RORA: variants seen among roughly 807,000 people sequenced by gnomAD.
RORA encodes nuclear receptor ROR-alpha.
RORA carries 7 observed loss-of-function variants against 69.5 expected under a neutral mutation model. The ratio of observed to expected loss-of-function variants is 0.10; its 90% confidence interval spans 0.06 to 0.19. The LOEUF (loss-of-function observed/expected upper bound fraction) is 0.19. RORA is among the 10% of genes least tolerant of loss of function. RORA has a pLI of 1.00. For synonymous variants in RORA, 261 were observed against 240.8 expected (o/e 1.08, Z -0.78); for missense variants, 457 against 663.0 (o/e 0.69, Z 3.41).
intron 2 of RORA, among the ~76,000 whole-genome samples, chr15:60,625,920 A>G (rs2069564609): frequency 6.6e-6 from 1 of 152,240 alleles, no homozygotes; most frequent in Admixed American, 6.5e-5. Context: ...CTAATGGTGT[A>G]TGAAACCACT....
chr15:60,724,600 G>C (rs1171398171), intron 1 of RORA, among the ~76,000 whole-genome samples: 1 of 152,188 alleles, frequency 6.6e-6, no homozygotes, highest in Non-Finnish European at 1.5e-5. Context: ...GTCCTACCTA[G>C]TCTTAGGGAA....
chr15:60,672,816 T>G (rs918967748), intron 2 of RORA, among the ~76,000 whole-genome samples: 1 of 152,258 alleles, frequency 6.6e-6, no homozygotes, highest in Non-Finnish European at 1.5e-5. Flanking sequence ...TAGGTGGTGT[T>G]CCTGCTATTG....
intron 2 of RORA, among the ~76,000 whole-genome samples, chr15:60,639,406 G>A (rs115925942): frequency 1.4e-3 from 211 of 152,138 alleles, no homozygotes; most frequent in South Asian, 5.8e-3. Context: ...GTGTCTCCCC[G>A]TTTCGTGGGG....
chr15:60,839,060 A>G (rs1567209469), intron 1 of RORA, among the ~76,000 whole-genome samples: 1 of 150,786 alleles, frequency 6.6e-6, no homozygotes, highest in East Asian at 1.9e-4. Context: ...ACCTGGCTAA[A>G]TTTTTTTTTG....
intron 1 of RORA, among the ~76,000 whole-genome samples, chr15:60,724,998 C>T (rs2071338966): frequency 1.3e-5 from 2 of 152,200 alleles, no homozygotes; most frequent in African/African-American, 2.4e-5. Flanking sequence ...TAAAATTAAA[C>T]AACTATTAAT....
intron 2 of RORA, chr15:60,592,405 CA>C: frequency 6.9e-7 from 1 of 1,439,942 alleles, no homozygotes; most frequent in African/African-American, 1.5e-5. Flanking sequence ...GCTGCGATCA[CA>C]AAATACATCA....
chr15:61,182,907 T>A (rs1367279028), intron 1 of RORA: 1 of 152,320 alleles, frequency 6.6e-6, no homozygotes, highest in Non-Finnish European at 1.5e-5. Flanking sequence ...GGGGGCCTTC[T>A]ATAACGTTCC....
At chr15:60,694,778 G>A (rs2070878350) in intron 1 of RORA, among the ~76,000 whole-genome samples, 1 of 152,108 alleles carries the variant, frequency 6.6e-6, no homozygotes, top group African/African-American at 2.4e-5. Context: ...TTACAAATTG[G>A]TAAATCAACC....
chr15:60,830,459 A>G (rs191011042), intron 1 of RORA, among the ~76,000 whole-genome samples: 2 of 152,342 alleles, frequency 1.3e-5, no homozygotes, highest in East Asian at 3.9e-4. Context: ...TATTCTTTGA[A>G]AATGTTACAC....
At chr15:60,953,953 G>A (rs1329131807) in intron 1 of RORA, among the ~76,000 whole-genome samples, 2 of 150,892 alleles carry the variant, frequency 1.3e-5, no homozygotes, top group African/African-American at 2.4e-5. Flanking sequence ...TATATACCCA[G>A]AGGACTATAA....
intron 1 of RORA, among the ~76,000 whole-genome samples, chr15:60,799,856 T>C (rs949683572): frequency 3.3e-5 from 5 of 152,218 alleles, no homozygotes; most frequent in African/African-American, 1.2e-4. Flanking sequence ...GATATGTAGA[T>C]AGGAATGGAT....
chr15:60,654,149 A>G (rs753955312), intron 2 of RORA, among the ~76,000 whole-genome samples: 11 of 152,212 alleles, frequency 7.2e-5, no homozygotes, highest in Non-Finnish European at 1.3e-4. Context: ...GGCTAAGGAC[A>G]GAGAAGTCTT....
chr15:60,556,966 G>T (rs1205129080), intron 2 of RORA: 3 of 1,540,040 alleles, frequency 1.9e-6, no homozygotes, highest in East Asian at 4.5e-5. Flanking sequence ...AAAGGACAAA[G>T]AAAAGATTTA....
In RORA at chr15:60,511,677, C is replaced by T; in HGVS notation, c.425-56G>A. 5 of 1,507,014 alleles carry T rather than the reference C, an allele frequency of 3.3e-6. No homozygotes were observed. Among genetic ancestry groups the T allele is most frequent in the Non-Finnish European group, 4.4e-6 (5 of 1,128,536 alleles). The allele number at this position is 1,507,014 out of a possible 1,614,324, so 93.4% of individuals were successfully genotyped here. ...ACAATGCGCTTTTCTTCAATATTCT[C>T]TCCTGCGAGCTTTGGGGTTTCCTTT... On this transcript the variant is annotated intron_variant, in intron 4 of 10. Coordinates refer to ENST00000335670, the MANE Select transcript of RORA (RefSeq NM_134261.3). This position sits in a 1 kb window ranked among gnomAD's most constrained non-coding sequence, Gnocchi z 6.4.
At chr15:60,527,730 C>G (rs1324559168) in intron 3 of RORA, among the ~76,000 whole-genome samples, 4 of 152,276 alleles carry the variant, frequency 2.6e-5, no homozygotes, top group Non-Finnish European at 4.4e-5. Context: ...TAATAAAAAC[C>G]TTGGCATAAT....
intron 1 of RORA, among the ~76,000 whole-genome samples, chr15:60,777,111 T>G (rs370356416): frequency 2.4e-4 from 37 of 152,178 alleles, no homozygotes; most frequent in African/African-American, 8.7e-4. Context: ...TGTCCCATAC[T>G]CTAAAACACC....
intron 1 of RORA, among the ~76,000 whole-genome samples, chr15:60,730,945 G>T (rs1239905138): frequency 6.6e-6 from 1 of 151,184 alleles, no homozygotes; most frequent in Admixed American, 6.6e-5. Flanking sequence ...CACCTGGTTT[G>T]TTACATATGT....
intron 2 of RORA, among the ~76,000 whole-genome samples, chr15:60,554,348 T>C (rs1307775260): frequency 6.6e-6 from 1 of 152,202 alleles, no homozygotes; most frequent in East Asian, 1.9e-4. Flanking sequence ...AGATTGACTC[T>C]TCCTATCAAT....
intron 1 of RORA, among the ~76,000 whole-genome samples, chr15:61,025,435 C>T (rs1392541412): frequency 6.6e-6 from 1 of 152,228 alleles, no homozygotes; most frequent in African/African-American, 2.4e-5. Flanking sequence ...TCCAAAGCAG[C>T]AGGGCAAACC....
Sources: allele counts gnomAD v4.1 joint callset (sites outside exome capture counted in the v4.1 genomes callset), GRCh38; gene constraint gnomAD v4.1.1; non-coding constraint Gnocchi (gnomAD v3.1); transcripts MANE v1.5; gene names NCBI Gene and HGNC (gene_info 2026-07-23, HGNC 2026-07-21).